Variants in NAV2 observed in about 807,000 individuals in gnomAD.
NAV2 encodes the protein neuron navigator 2, also known as helicase, APC down-regulated 1.
A neutral mutation model predicts 223.2 loss-of-function variants in NAV2; 54 were observed. The observed-to-expected ratio is 0.24, with a 90% confidence interval of 0.19 to 0.30. The LOEUF (loss-of-function observed/expected upper bound fraction) is 0.30. NAV2 is among the 10% of genes least tolerant of loss of function. The pLI, the probability that NAV2 is intolerant of heterozygous loss-of-function variation, is 1.00. For missense variants in NAV2, 2,806 were observed against 3,147.5 expected, an observed-to-expected ratio of 0.89 and a Z score of 2.60; for synonymous variants, 1,279 against 1,239.3, an observed-to-expected ratio of 1.03 and a Z score of -0.67.
At chr11:19,892,351 C>A (rs946928672) in intron 5 of NAV2, 83 bp from the exon 6 acceptor site, 1 of 1,356,028 alleles carries the variant, frequency 7.4e-7, no homozygotes. Context: ...TCTTTTGCCT[C>A]CTGCATGGTT....
At chr11:19,898,725 TC>T (rs1419239334) in intron 6 of NAV2, among the ~76,000 whole-genome samples, 2 of 152,238 alleles carry the variant, frequency 1.3e-5, no homozygotes, top group Non-Finnish European at 2.9e-5. Context: ...CCTTAATACT[TC>T]CAAATTTTGC....
intron 1 of NAV2, among the ~76,000 whole-genome samples, chr11:19,468,871 C>T (rs1267880300): frequency 6.6e-6 from 1 of 152,104 alleles, no homozygotes; most frequent in Non-Finnish European, 1.5e-5. Context: ...AAAGGGGTTA[C>T]ATGAAATATA....
chr11:19,545,040 T>A (rs2134575497), intron 1 of NAV2, among the ~76,000 whole-genome samples: 1 of 152,292 alleles, frequency 6.6e-6, no homozygotes, highest in African/African-American at 2.4e-5. Context: ...GCAAAGCAAA[T>A]GTACATTGGA....
At chr11:19,373,243 C>T (rs965674802) in intron 1 of NAV2, among the ~76,000 whole-genome samples, 1 of 152,184 alleles carries the variant, frequency 6.6e-6, no homozygotes, top group African/African-American at 2.4e-5. Context: ...CCTTACCTTT[C>T]ACCTCTAGGC....
At chr11:19,935,869 T>TTTTTTTG (rs2045846918) in intron 7 of NAV2, among the ~76,000 whole-genome samples, 2 of 125,764 alleles carry the variant, frequency 1.6e-5, no homozygotes, top group Admixed American at 8.1e-5. Context: ...TTTTTTTTTT[T>TTTTTTTG]TTTTTTGAGA....
chr11:19,833,968 G>GT (rs1413020068), intron 2 of NAV2, among the ~76,000 whole-genome samples: 1 of 152,174 alleles, frequency 6.6e-6, no homozygotes, highest in African/African-American at 2.4e-5. Flanking sequence ...TCTGGAACAA[G>GT]TCTGCTAACA....
intron 1 of NAV2, among the ~76,000 whole-genome samples, chr11:19,618,327 C>T (rs531156691): frequency 4.8e-4 from 69 of 144,784 alleles, no homozygotes; most frequent in African/African-American, 1.5e-3. Flanking sequence ...GATGAACAGA[C>T]GGATGGATGG....
chr11:19,938,489 T>C (rs903980669), intron 7 of NAV2, among the ~76,000 whole-genome samples: 2 of 152,228 alleles, frequency 1.3e-5, no homozygotes, highest in African/African-American at 2.4e-5. Flanking sequence ...GCTTTATTGT[T>C]TTTACTGGAC....
chr11:19,646,072 G>T (rs138574926), intron 1 of NAV2, among the ~76,000 whole-genome samples: 1 of 152,294 alleles, frequency 6.6e-6, no homozygotes, highest in Non-Finnish European at 1.5e-5. Context: ...AAAATGCCTG[G>T]CACTGAGCTT....
Position 19,382,524 on chromosome 11 carries a change from A to G in NAV2, c.75+31497A>G, listed in dbSNP as rs79367228. 9.6e-3 allele frequency among the ~76,000 whole-genome samples: 1,456 copies of G among 152,286 alleles called. 23 individuals carry two copies. Among genetic ancestry groups the G allele is most frequent in the African/African-American group, 0.033 (1,376 of 41,566 alleles). The stretch of plus-strand genomic sequence containing the variant: ...CACTTATAGGCTGTGCTTTCCACAC[A>G]TGACTTTGCTTCACGGCAACAACAG... On this transcript the variant is annotated intron_variant, in intron 1 of 37. Coordinates refer to the NAV2 transcript ENST00000360655.
At chr11:19,392,383 A>ATT (rs5790071) in intron 1 of NAV2, among the ~76,000 whole-genome samples, 130,518 of 150,002 alleles carry the variant, frequency 0.87, 58,053 homozygotes, top group Non-Finnish European at 0.96. Context: ...CAGCAGGGTG[A>ATT]TTTTTTTTTT....
chr11:19,553,715 C>T (rs1006635086), intron 1 of NAV2, among the ~76,000 whole-genome samples: 2 of 152,220 alleles, frequency 1.3e-5, no homozygotes, highest in African/African-American at 2.4e-5. Context: ...TTGGCATTGC[C>T]GAGATTGAAT....
At chr11:19,406,282 G>T (rs1261360137) in intron 1 of NAV2, among the ~76,000 whole-genome samples, 1 of 152,162 alleles carries the variant, frequency 6.6e-6, no homozygotes, top group Non-Finnish European at 1.5e-5. Flanking sequence ...GCTTGGACAG[G>T]TGGCTCTATT....
At chr11:20,004,663 T>C (rs1159128567) in intron 11 of NAV2, among the ~76,000 whole-genome samples, 1 of 152,202 alleles carries the variant, frequency 6.6e-6, no homozygotes, top group Non-Finnish European at 1.5e-5. Context: ...AAGGGGGTGC[T>C]GAAAGAAGAT....
chr11:19,664,454 G>A (rs754623901), intron 1 of NAV2, among the ~76,000 whole-genome samples: 7 of 152,166 alleles, frequency 4.6e-5, no homozygotes, highest in Non-Finnish European at 5.9e-5. Context: ...GCCTGGTTAT[G>A]ACTGGTCAGC....
chr11:19,889,391 G>A (rs889653264), intron 5 of NAV2, among the ~76,000 whole-genome samples: 1 of 152,284 alleles, frequency 6.6e-6, no homozygotes, highest in South Asian at 2.1e-4. Context: ...TCTGAATGGT[G>A]GGAAAAAGTA....
intron 8 of NAV2, among the ~76,000 whole-genome samples, chr11:19,940,116 A>T (rs1349294167): frequency 6.6e-6 from 1 of 152,102 alleles, no homozygotes; most frequent in Non-Finnish European, 1.5e-5. Flanking sequence ...TCTTCAGATA[A>T]AGTTGCTTTT....
At chr11:19,673,198 A>G (rs972512746) in intron 1 of NAV2, among the ~76,000 whole-genome samples, 1 of 152,230 alleles carries the variant, frequency 6.6e-6, no homozygotes, top group Non-Finnish European at 1.5e-5. Context: ...AATGATACTT[A>G]TTACTATCTC....
At chr11:19,773,839 C>T (rs535909914) in intron 1 of NAV2, among the ~76,000 whole-genome samples, 3 of 152,190 alleles carry the variant, frequency 2.0e-5, no homozygotes, top group Admixed American at 6.5e-5. Flanking sequence ...TTTCAACAGA[C>T]ATCTAATTGG....
Sources: gnomAD v4.1 joint callset for allele counts (sites outside exome capture counted in the v4.1 genomes callset) on GRCh38, gnomAD v4.1.1 for gene constraint, MANE v1.5 for transcripts, NCBI Gene and HGNC (gene_info 2026-07-23, HGNC 2026-07-21) for gene names.